Variants in CHSY1 observed in about 807,000 individuals in gnomAD.
CHSY1 encodes chondroitin sulfate synthase 1.
Under a neutral mutation model 59.8 loss-of-function variants are expected in CHSY1, and 13 were observed. The observed-to-expected ratio is 0.22, with a 90% CI of 0.14 to 0.35. The LOEUF (loss-of-function observed/expected upper bound fraction) is 0.35. Ranked by LOEUF, CHSY1 falls within the 10% of genes least tolerant of loss-of-function variation. The probability of loss-of-function intolerance (pLI) is 1.00; values close to 1 mark genes in which losing one functional copy is unlikely to be tolerated. For missense variants in CHSY1, 947 were observed against 1,030.6 expected (o/e 0.92, Z 1.11); for synonymous variants, 459 against 401.2 (o/e 1.14, Z -1.72).
At chr15:101,203,712 C>T (rs2038596088) in intron 2 of CHSY1, among the ~76,000 whole-genome samples, 2 of 152,190 alleles carry the variant, frequency 1.3e-5, no homozygotes, top group Admixed American at 1.3e-4. Flanking sequence ...TCATGTGCTC[C>T]TGATGTGAGG....
intron 2 of CHSY1, among the ~76,000 whole-genome samples, chr15:101,192,515 C>G (rs1482617077): frequency 6.6e-6 from 1 of 152,086 alleles, no homozygotes; most frequent in African/African-American, 2.4e-5. Flanking sequence ...AACCCCAACT[C>G]CCCCCACTCC....
intron 2 of CHSY1, among the ~76,000 whole-genome samples, chr15:101,193,642 T>C (rs1485552391): frequency 1.3e-5 from 2 of 152,212 alleles, no homozygotes; most frequent in African/African-American, 4.8e-5. Context: ...GAAATGACTA[T>C]TCACAGTTTC....
intron 2 of CHSY1, chr15:101,188,064 C>T (rs978464830): frequency 1.8e-5 from 18 of 985,342 alleles, no homozygotes; most frequent in African/African-American, 1.0e-4. Context: ...ATTAAGTCCT[C>T]GTTCTTCCTG....
At chr15:101,202,435 ACAGCAGAGGC>A in intron 2 of CHSY1, among the ~76,000 whole-genome samples, 1 of 81,880 alleles carries the variant, frequency 1.2e-5, no homozygotes, top group Admixed American at 1.1e-4. Flanking sequence ...GATCTCAGAC[ACAGCAGAGGC>A]TGCAGGGAAG....
chr15:101,251,409 G>C lies in CHSY1; in HGVS notation c.48C>G (p.Leu16=), dbSNP rs762682745. The stretch of plus-strand genomic sequence containing the variant: ...GCGAGGCCAGCACGAAGCCCAGGAC[G>C]AGCCCGAGCAGCACGCTGAGCCAGG... ...RRAWLSVLLG[L]VLGFVLASRL... The change falls in exon 1 of 3, where the codon CTC becomes CTG. Residue 16 remains leucine, a synonymous_variant. Transcript: ENST00000254190. The C allele has an allele frequency of 1.2e-5, 14 of 1,145,370 alleles. No homozygotes were observed. Among genetic ancestry groups the C allele is most frequent in the African/African-American group, 5.0e-5 (3 of 59,860 alleles). 71.0% of individuals were successfully genotyped at this position (1,145,370 alleles called of 1,614,324 possible).
intron 2 of CHSY1, among the ~76,000 whole-genome samples, chr15:101,219,566 C>A (rs1017536459): frequency 1.3e-5 from 2 of 152,228 alleles, no homozygotes; most frequent in African/African-American, 4.8e-5. Flanking sequence ...AGGGCCCACA[C>A]TCCACAGCTT....
At chr15:101,227,605 G>T (rs914879308) in intron 2 of CHSY1, among the ~76,000 whole-genome samples, 1 of 152,212 alleles carries the variant, frequency 6.6e-6, no homozygotes, top group Admixed American at 6.5e-5. Flanking sequence ...CGCATGTGTG[G>T]GAGTGTGTGC....
At chr15:101,186,319 C>CAAATAAAT (rs71903953) in intron 2 of CHSY1, among the ~76,000 whole-genome samples, 2,741 of 147,342 alleles carry the variant, frequency 0.019, 39 homozygotes, top group Non-Finnish European at 0.03. Context: ...GACCCTGTCT[C>CAAATAAAT]AAATAAATAA....
chr15:101,237,207 G>C (rs562940331), intron 1 of CHSY1, among the ~76,000 whole-genome samples: 12 of 97,546 alleles, frequency 1.2e-4, no homozygotes, highest in African/African-American at 4.5e-4. Flanking sequence ...CTGGACAAAA[G>C]AGCAAGACTC....
intron 2 of CHSY1, among the ~76,000 whole-genome samples, chr15:101,200,102 T>C (rs1162036517): frequency 6.6e-6 from 1 of 152,236 alleles, no homozygotes; most frequent in Non-Finnish European, 1.5e-5. Context: ...ATAAAATAAA[T>C]ACCTCATTCC....
At chr15:101,228,316 A>T (rs1328036195) in intron 2 of CHSY1, among the ~76,000 whole-genome samples, 1 of 152,206 alleles carries the variant, frequency 6.6e-6, no homozygotes, top group Non-Finnish European at 1.5e-5. Context: ...AGAAATACTC[A>T]AGAAATAATA....
At chr15:101,234,560 CTAAG>C (rs2038921251) in intron 2 of CHSY1, among the ~76,000 whole-genome samples, 1 of 152,196 alleles carries the variant, frequency 6.6e-6, no homozygotes, top group Admixed American at 6.5e-5. Context: ...TATTTATTAA[CTAAG>C]TATTAGGACA....
intron 2 of CHSY1, among the ~76,000 whole-genome samples, chr15:101,221,734 C>G: frequency 6.6e-6 from 1 of 152,094 alleles, no homozygotes; most frequent in East Asian, 1.9e-4. Context: ...ACCAGTGTAC[C>G]TGTTCCAGGA....
chr15:101,236,404 C>T (rs1334957739), intron 1 of CHSY1, among the ~76,000 whole-genome samples: 2 of 152,208 alleles, frequency 1.3e-5, no homozygotes, highest in South Asian at 2.1e-4. Context: ...CATAGTTTTA[C>T]AAGGGGTTTC....
intron 2 of CHSY1, among the ~76,000 whole-genome samples, chr15:101,198,791 CTT>C (rs901987636): frequency 6.6e-6 from 1 of 152,248 alleles, no homozygotes; most frequent in African/African-American, 2.4e-5. Context: ...GTTACACTCA[CTT>C]TTGTTACTGT....
At chr15:101,183,815 C>A (rs2038313932) in intron 2 of CHSY1, among the ~76,000 whole-genome samples, 1 of 152,106 alleles carries the variant, frequency 6.6e-6, no homozygotes, top group Non-Finnish European at 1.5e-5. Flanking sequence ...TTAAACAGAG[C>A]AAGTATGGAG....
Position 101,178,079 on chromosome 15 carries a change from T to A in CHSY1, c.1718A>T (p.Asn573Ile). 1 of 1,614,144 alleles carries A rather than the reference T, an allele frequency of 6.2e-7. No individual in the cohort carries two copies. Among genetic ancestry groups the A allele is most frequent in the Non-Finnish European group, 8.5e-7 (1 of 1,180,022 alleles). Residue 573 changes from asparagine (N) to isoleucine (I), a missense_variant, in exon 3 of 3, where the codon AAT (asparagine) becomes ATT (isoleucine). Asn to Ile is a moderately radical substitution (Grantham distance 149). This residue lies in a region of CHSY1 where 602 missense variants were observed against 676.9 expected (regional missense o/e 0.89). Transcript: ENST00000254190. ...GGCCTTGTCAGGGTTGGAGTCAGAA[T>A]TGAAAAGCAGAACCACGAGCTTGAC... ...QNVKLVVLLF[N>I]SDSNPDKAKQ... is the part of the protein sequence containing the mutation.
At chr15:101,182,164 G>C (rs1425480320) in intron 2 of CHSY1, among the ~76,000 whole-genome samples, 1 of 152,164 alleles carries the variant, frequency 6.6e-6, no homozygotes, top group African/African-American at 2.4e-5. Flanking sequence ...GTAATATTAT[G>C]ACTTTTCTGT....
chr15:101,197,490 ACT>A (rs1304517528), intron 2 of CHSY1, among the ~76,000 whole-genome samples: 1 of 152,148 alleles, frequency 6.6e-6, no homozygotes, highest in Non-Finnish European at 1.5e-5. Flanking sequence ...GCTGGTTTAT[ACT>A]CTGAGAAGAT....
Sources: gnomAD v4.1 joint callset for allele counts (sites outside exome capture counted in the v4.1 genomes callset) on GRCh38, gnomAD v4.1.1 for gene constraint, gnomAD v4.1.1 regional missense constraint, MANE v1.5 for transcripts, NCBI Gene and HGNC (gene_info 2026-07-23, HGNC 2026-07-21) for gene names.